The following CRTAM variants were observed in gnomAD, a reference collection of about 807,000 sequenced individuals.
CRTAM encodes cytotoxic and regulatory T-cell molecule.
Under a neutral mutation model 50.0 loss-of-function variants are expected in CRTAM, and 44 were observed. The ratio of observed to expected loss-of-function variants is 0.88; its 90% CI spans 0.69 to 1.13. The LOEUF (loss-of-function observed/expected upper bound fraction) is 1.13, where lower values mean the gene tolerates loss of function less well. CRTAM is among the 50% of genes most tolerant of loss of function. The probability of loss-of-function intolerance (pLI) is 0.00; values close to 1 mark genes in which losing one functional copy is unlikely to be tolerated. For missense variants in CRTAM, 448 were observed against 457.5 expected, an observed-to-expected ratio of 0.98 and a Z score of 0.19; for synonymous variants, 159 against 169.3, an observed-to-expected ratio of 0.94 and a Z score of 0.47.
At chr11:122,855,880 T>G (rs1307845154) in intron 5 of CRTAM, 24 bp downstream of exon 5, 17 of 1,592,278 alleles carry the variant, frequency 1.1e-5, no homozygotes, top group Non-Finnish European at 1.5e-5. Context: ...ATGATTCTCT[T>G]GAATAATTTT....
intron 4 of CRTAM, among the ~76,000 whole-genome samples, chr11:122,855,373 A>C (rs1188388372): frequency 6.6e-6 from 1 of 152,252 alleles, no homozygotes; most frequent in Non-Finnish European, 1.5e-5. Context: ...CTACTTCATT[A>C]TAAGACTTCC....
At chr11:122,841,068 A>C (rs1487831554) in intron 1 of CRTAM, among the ~76,000 whole-genome samples, 1 of 152,190 alleles carries the variant, frequency 6.6e-6, no homozygotes, top group Non-Finnish European at 1.5e-5. Context: ...TGCCCAGGAA[A>C]AAGTCACATG....
intron 6 of CRTAM, among the ~76,000 whole-genome samples, chr11:122,863,091 G>T (rs1862109538): frequency 6.6e-6 from 1 of 152,134 alleles, no homozygotes; most frequent in Non-Finnish European, 1.5e-5. Flanking sequence ...AATTTAGAAA[G>T]CCTGGATTAT....
At chr11:122,846,073 C>T (rs564231578) in intron 1 of CRTAM, among the ~76,000 whole-genome samples, 2 of 152,150 alleles carry the variant, frequency 1.3e-5, no homozygotes, top group Admixed American at 6.5e-5. Context: ...GATGGAGCAA[C>T]ACAGAAGGGA....
intron 3 of CRTAM, among the ~76,000 whole-genome samples, chr11:122,853,438 C>T (rs1456442402): frequency 6.6e-6 from 1 of 152,072 alleles, no homozygotes; most frequent in Non-Finnish European, 1.5e-5. Context: ...TAACAACACA[C>T]TGAGTAATAC....
chr11:122,865,301 C>T (rs2135253160), intron 7 of CRTAM, among the ~76,000 whole-genome samples: 1 of 152,330 alleles, frequency 6.6e-6, no homozygotes, highest in African/African-American at 2.4e-5. Flanking sequence ...TCCCAAAGTG[C>T]TGGGATTACA....
intron 1 of CRTAM, among the ~76,000 whole-genome samples, chr11:122,846,832 T>C (rs920971595): frequency 2.0e-5 from 3 of 152,188 alleles, no homozygotes; most frequent in African/African-American, 7.2e-5. Flanking sequence ...TCTTCCTTAA[T>C]GTCTACTAGG....
intron 3 of CRTAM, among the ~76,000 whole-genome samples, chr11:122,853,373 T>C (rs1208601513): frequency 1.3e-5 from 2 of 150,594 alleles, no homozygotes; most frequent in Non-Finnish European, 3.0e-5. Context: ...CCCGGCCTCA[T>C]ATACCACATT....
At chr11:122,854,598 T>A (rs1303404073) in intron 4 of CRTAM, among the ~76,000 whole-genome samples, 2 of 150,660 alleles carry the variant, frequency 1.3e-5, no homozygotes, top group Non-Finnish European at 3.0e-5. Context: ...AGGTGGAGGT[T>A]GTGGTGTGAG....
chr11:122,859,468 G>A (rs1426125442), intron 5 of CRTAM, among the ~76,000 whole-genome samples: 1 of 152,068 alleles, frequency 6.6e-6, no homozygotes, highest in African/African-American at 2.4e-5. Flanking sequence ...GAAAAGATTA[G>A]TGTGAAAATG....
chr11:122,856,873 C>A (rs1862013631), intron 5 of CRTAM, among the ~76,000 whole-genome samples: 1 of 152,130 alleles, frequency 6.6e-6, no homozygotes, highest in South Asian at 2.1e-4. Flanking sequence ...ACAGACCGAG[C>A]TGTACAGTAA....
intron 6 of CRTAM, 97 bp from the exon 7 acceptor site, chr11:122,864,539 C>T: frequency 1.3e-6 from 1 of 776,918 alleles, no homozygotes; most frequent in South Asian, 1.8e-5. Context: ...AATTTGGCTT[C>T]CCAAGCTGCT....
chr11:122,842,267 A>T (rs1251861536), intron 1 of CRTAM, among the ~76,000 whole-genome samples: 1 of 151,932 alleles, frequency 6.6e-6, no homozygotes, highest in Admixed American at 6.6e-5. Flanking sequence ...CATGGGTTAT[A>T]TGTTTGTTTG....
intron 3 of CRTAM, among the ~76,000 whole-genome samples, chr11:122,853,735 G>A (rs1040671877): frequency 1.3e-5 from 2 of 151,730 alleles, no homozygotes; most frequent in African/African-American, 2.4e-5. Context: ...GGAGAATTGC[G>A]TGAACCTGGG....
chr11:122,855,953 T>C (rs1467744049), intron 5 of CRTAM, 97 bp downstream of exon 5: 1 of 974,406 alleles, frequency 1.0e-6, no homozygotes, highest in Non-Finnish European at 1.5e-6. Flanking sequence ...TCCTTCAGAT[T>C]AAGATTACTG....
At chr11:122,868,224 G>C (rs1862206750) in intron 9 of CRTAM, 125 bp downstream of exon 9, 2 of 618,122 alleles carry the variant, frequency 3.2e-6, no homozygotes, top group African/African-American at 3.7e-5. Context: ...GTGTGTGTGT[G>C]TGTGTGTGTG....
chr11:122,862,552 T>A lies in CRTAM; in HGVS notation c.733+8T>A, dbSNP rs781378057. 1 of 1,492,284 alleles carries A rather than the reference T, an allele frequency of 6.7e-7. No homozygotes were observed. The highest frequency in any genetic ancestry group is 9.2e-7 in the Non-Finnish European group (1 of 1,084,184). 92.4% of individuals were successfully genotyped at this position (1,492,284 alleles called of 1,614,324 possible). ...AGCAGCCCACCAGTACTGGTAAGTGTCAAAATCATTCAAACTTGTTTTTAA... is the reference window on the plus strand; with the variant it reads ...AGCAGCCCACCAGTACTGGTAAGTGACAAAATCATTCAAACTTGTTTTTAA... On this transcript the variant is annotated splice_region_variant and intron_variant, in intron 6 of 9. Coordinates refer to ENST00000227348, the MANE Select transcript of CRTAM (RefSeq NM_019604.4).
At chr11:122,842,627 T>A (rs3134424) in intron 1 of CRTAM, among the ~76,000 whole-genome samples, 9,074 of 152,232 alleles carry the variant, frequency 0.06, 569 homozygotes, top group East Asian at 0.32. Context: ...ATGATGATGA[T>A]GAATTAGAGA....
chr11:122,852,261 A>G (rs974694148), intron 3 of CRTAM, among the ~76,000 whole-genome samples: 2 of 152,176 alleles, frequency 1.3e-5, no homozygotes, highest in Non-Finnish European at 2.9e-5. Flanking sequence ...AGCAAATCCT[A>G]AGATAGAATG....
Sources: allele counts gnomAD v4.1 joint callset (sites outside exome capture counted in the v4.1 genomes callset), GRCh38; gene constraint gnomAD v4.1.1; transcripts MANE v1.5; gene names NCBI Gene and HGNC (gene_info 2026-07-23, HGNC 2026-07-21).